PFN4: variants seen among roughly 807,000 people sequenced by gnomAD.
The protein encoded by PFN4 is profilin-4.
PFN4 carries 10 observed loss-of-function variants against 16.3 expected under a neutral mutation model. That is an observed-to-expected ratio of 0.61 (90% CI 0.38 to 1.04). PFN4 has a LOEUF of 1.04. Ranked by LOEUF, PFN4 falls within the 50% of genes least tolerant of loss-of-function variation. The pLI, the probability that PFN4 is intolerant of heterozygous loss-of-function variation, is 0.01. For missense variants in PFN4, 136 were observed against 153.6 expected (o/e 0.89, Z 0.61); for synonymous variants, 54 against 56.9 (o/e 0.95, Z 0.23).
At position 24,120,585 on chromosome 2, in the gene PFN4, C is replaced by T. The variant is rs557327239; in HGVS notation, c.255+578G>A. On this transcript the variant is annotated intron_variant, in intron 3 of 4. Coordinates refer to ENST00000313213, the MANE Select transcript of PFN4 (RefSeq NM_199346.3). ...AAATTTTTTTTTTGAGATGGAATTT[C>T]GCTCTTGTTGCCCAAGCCGGAGTGC... Among the ~76,000 whole-genome samples, 12 of 151,874 alleles carry T rather than the reference C, an allele frequency of 7.9e-5. No homozygotes were observed. The East Asian group carries it at 1.6e-3, about 20-fold the overall frequency.
At chr2:24,122,352 T>C in intron 2 of PFN4, 67 bp downstream of exon 2, 1 of 1,215,636 alleles carries the variant, frequency 8.2e-7, no homozygotes. Flanking sequence ...TCATGTCTGC[T>C]TCATTTTTTG....
Position 24,119,647 on chromosome 2 carries a change from C to A in PFN4, c.291G>T (p.Leu97=), listed in dbSNP as rs1298397885. The A allele has an allele frequency of 3.1e-6, 5 of 1,613,512 alleles. No homozygotes were observed. Among genetic ancestry groups the A allele is most frequent in the Non-Finnish European group, 4.2e-6 (5 of 1,179,752 alleles). The change falls in exon 4 of 5, where the codon CTG becomes CTT. Residue 97 remains leucine (L), a synonymous_variant. Transcript: ENST00000313213. ...CAGTGTAAGTTGCTACCAGAAGATA[C>A]AGATGGGTCTTCACGACAACCACAC... The part of the protein sequence containing the change: ...NTGVVVVKTH[L]YLLVATYTEG...
intron 4 of PFN4, 87 bp from the exon 5 acceptor site, chr2:24,115,698 C>T (rs777727592): frequency 3.0e-5 from 43 of 1,451,814 alleles, no homozygotes; most frequent in Non-Finnish European, 4.1e-5. Flanking sequence ...ATTCCACAAA[C>T]ATTGCCAGGT....
rs1242711120 is a variant in PFN4 at position 24,115,572 on chromosome 2, C to T, written c.*11G>A. 12 of 1,609,606 alleles carry T rather than the reference C, an allele frequency of 7.5e-6. No homozygotes were observed. Among genetic ancestry groups the T allele is most frequent in the Non-Finnish European group, 1.0e-5 (12 of 1,177,724 alleles). ...AAATAATAAAATTGTCTTTCATGGGCCTCTGATGACTTAACTTCCTTTTTT... is the reference window on the plus strand; with the variant it reads ...AAATAATAAAATTGTCTTTCATGGGTCTCTGATGACTTAACTTCCTTTTTT... On this transcript the variant is annotated 3_prime_UTR_variant, in exon 5 of 5. Transcript: ENST00000313213.
intron 4 of PFN4, among the ~76,000 whole-genome samples, chr2:24,116,481 C>G (rs1479118319): frequency 6.6e-6 from 1 of 152,152 alleles, no homozygotes; most frequent in Non-Finnish European, 1.5e-5. Context: ...TGCACTCCAC[C>G]ATGCCAGGTA....
At chr2:24,116,222 G>A (rs1028968190) in intron 4 of PFN4, among the ~76,000 whole-genome samples, 3 of 152,092 alleles carry the variant, frequency 2.0e-5, no homozygotes, top group Non-Finnish European at 4.4e-5. Context: ...CAGCTACTTG[G>A]GAGGCTGAGG....
At chr2:24,115,945 C>T (rs1665903698) in intron 4 of PFN4, among the ~76,000 whole-genome samples, 1 of 148,926 alleles carries the variant, frequency 6.7e-6, no homozygotes. Flanking sequence ...ATGCATATGG[C>T]TGGGCAAAGG....
In PFN4 at chr2:24,121,201, A is replaced by T. The variant is rs1280376103; in HGVS notation, c.217T>A (p.Cys73Ser). 6.2e-7 allele frequency: 1 copy of T among 1,614,056 alleles called. No individual in the cohort carries two copies. Among genetic ancestry groups the T allele is most frequent in the African/African-American group, 1.3e-5 (1 of 74,920 alleles). ...AGAGAATATTCATCTGCCCGGACACATCTGTAATCTTTTCCCTTGAAATAC... is the reference window on the plus strand; with the variant it reads ...AGAGAATATTCATCTGCCCGGACACTTCTGTAATCTTTTCCCTTGAAATAC... ...GLYFKGKDYRCVRADEYSLYA... is the reference protein window; with the variant it reads ...GLYFKGKDYRSVRADEYSLYA... The change falls in exon 3 of 5, where the codon TGT becomes AGT. Residue 73 changes from cysteine (C) to serine (S), a missense_variant. Coordinates refer to ENST00000313213, the MANE Select transcript of PFN4 (RefSeq NM_199346.3).
At chr2:24,122,207 C>T (rs2151009496) in intron 2 of PFN4, among the ~76,000 whole-genome samples, 1 of 152,066 alleles carries the variant, frequency 6.6e-6, no homozygotes, top group South Asian at 2.1e-4. Flanking sequence ...TAGCGCACTC[C>T]TGTAATCCCA....
intron 4 of PFN4, 56 bp downstream of exon 4, chr2:24,119,521 G>C: frequency 7.8e-7 from 1 of 1,287,866 alleles, no homozygotes; most frequent in Non-Finnish European, 1.1e-6. Context: ...GTTACTCGTA[G>C]TCGGAAGACC....
At chr2:24,122,340 AG>A in intron 2 of PFN4, 78 bp downstream of exon 2, 2 of 1,080,200 alleles carry the variant, frequency 1.9e-6, no homozygotes, top group South Asian at 1.3e-5. Context: ...AAAAAAAAAA[AG>A]TCATGTCTGC....
intron 2 of PFN4, among the ~76,000 whole-genome samples, chr2:24,121,819 C>T (rs1666128454): frequency 6.6e-6 from 1 of 152,142 alleles, no homozygotes. Flanking sequence ...CCACTGTGAT[C>T]TCTGCACATG....
At chr2:24,117,427 T>C (rs1573748522) in intron 4 of PFN4, among the ~76,000 whole-genome samples, 2 of 151,714 alleles carry the variant, frequency 1.3e-5, no homozygotes. Flanking sequence ...TTTTAAATGG[T>C]CATAGTTCTT....
At chr2:24,121,599 G>A (rs936394377) in intron 2 of PFN4, among the ~76,000 whole-genome samples, 8 of 151,852 alleles carry the variant, frequency 5.3e-5, no homozygotes, top group African/African-American at 1.9e-4. Flanking sequence ...GAGACTCTAC[G>A]GCCCTGTGCT....
In PFN4 at chr2:24,121,282, G is replaced by A. The variant is rs376361343; in HGVS notation, c.136C>T (p.Arg46Ter). The A allele has an allele frequency of 3.1e-5, 50 of 1,614,006 alleles. No individual in the cohort carries two copies. The highest frequency in any genetic ancestry group is 2.2e-4 in the East Asian group (10 of 44,878). The change falls in exon 3 of 5, where the codon CGA (arginine) becomes TGA (stop). Residue 46 changes from arginine to a stop codon, truncating the protein, a stop_gained. Transcript: ENST00000313213. LOFTEE classifies it high-confidence loss of function. Reference sequence around the variant, plus strand: ...TTGGCAAATCCATTCACCAGTGTTCGGACATCACTGGGCGTTACCTGGAGA... The same window carrying A: ...TTGGCAAATCCATTCACCAGTGTTCAGACATCACTGGGCGTTACCTGGAGA... ...PGFNVTPSDVRTLVNGFAKNP... is the reference protein window; with the variant it reads ...PGFNVTPSDV
rs1274267118 is a variant in PFN4, at chr2:24,114,975, G to A, written c.*608C>T. Among the ~76,000 whole-genome samples the A allele has an allele frequency of 6.6e-6, 1 of 152,164 alleles. No homozygotes were observed. Among genetic ancestry groups the A allele is most frequent in the Non-Finnish European group, 1.5e-5 (1 of 68,030 alleles). On this transcript the variant is annotated 3_prime_UTR_variant, in exon 5 of 5. Coordinates refer to ENST00000313213, the MANE Select transcript of PFN4 (RefSeq NM_199346.3). ...AAAATGATACCAGATACCTGCAAAT[G>A]GGAGTGTGAAATGTCCATTGAATAC...
At position 24,120,274 on chromosome 2, in the gene PFN4, A is replaced by ACAAC. The variant is rs1411508374; in HGVS notation, c.256-593_256-592insGTTG. ...ACAAAAGTGAAACTCGTCTCAAAAA[A>ACAAC]AAAAACAACAACAAAACAAAACAAA... On this transcript the variant is annotated intron_variant, in intron 3 of 4. Transcript: ENST00000313213. Among the ~76,000 whole-genome samples, 1,002 of 133,224 alleles carry ACAAC rather than the reference A, an allele frequency of 7.5e-3. 2 individuals carry two copies. Among genetic ancestry groups the ACAAC allele is most frequent in the Non-Finnish European group, 0.01 (609 of 58,148 alleles). The allele number at this position is 133,224 out of a possible 152,430, so 87.4% of individuals were successfully genotyped here.
chr2:24,120,277 A>ACAACAACAAC (rs112720334), intron 3 of PFN4, among the ~76,000 whole-genome samples: 12 of 151,382 alleles, frequency 7.9e-5, no homozygotes, highest in Non-Finnish European at 1.3e-4. Flanking sequence ...TCAAAAAAAA[A>ACAACAACAAC]AACAACAACA....
At chr2:24,119,435 G>C (rs969043501) in intron 4 of PFN4, 142 bp downstream of exon 4, 2 of 605,298 alleles carry the variant, frequency 3.3e-6, no homozygotes, top group East Asian at 5.7e-5. Context: ...TGTCCTTCCA[G>C]TGGCTATGTA....
Sources: allele counts gnomAD v4.1 joint callset (sites outside exome capture counted in the v4.1 genomes callset), GRCh38; gene constraint gnomAD v4.1.1; transcripts MANE v1.5; gene names NCBI Gene and HGNC (gene_info 2026-07-23, HGNC 2026-07-21).